Variants in GNAO1 observed in about 807,000 individuals in gnomAD.
GNAO1 encodes the protein guanine nucleotide-binding protein G(o) subunit alpha.
For missense variants in GNAO1, 166 were observed against 478.7 expected (o/e 0.35, Z 6.10); for synonymous variants, 164 against 180.7 (o/e 0.91, Z 0.74).
intron 3 of GNAO1, among the ~76,000 whole-genome samples, chr16:56,278,768 G>T (rs1005743020): frequency 6.6e-6 from 1 of 152,150 alleles, no homozygotes; most frequent in African/African-American, 2.4e-5. Context: ...GTGGGAGGAC[G>T]AGGGGACAGA....
At chr16:56,230,302 C>G (rs529841605) in intron 2 of GNAO1, among the ~76,000 whole-genome samples, 1 of 152,146 alleles carries the variant, frequency 6.6e-6, no homozygotes, top group Non-Finnish European at 1.5e-5. Context: ...GCCATTCGCC[C>G]CCTGTGCAAA....
chr16:56,265,188 G>C (rs2143494029), intron 2 of GNAO1, among the ~76,000 whole-genome samples: 1 of 152,350 alleles, frequency 6.6e-6, no homozygotes. Context: ...CCACCGTGAG[G>C]GGTTTGGTTG....
intron 2 of GNAO1, among the ~76,000 whole-genome samples, chr16:56,259,249 G>A (rs1032751654): frequency 2.6e-5 from 4 of 152,308 alleles, no homozygotes; most frequent in Admixed American, 1.3e-4. Flanking sequence ...TGTGAATGCC[G>A]CCTCCTTGTC....
At chr16:56,221,321 C>A (rs542099345) in intron 2 of GNAO1, among the ~76,000 whole-genome samples, 2 of 151,976 alleles carry the variant, frequency 1.3e-5, no homozygotes, top group African/African-American at 4.8e-5. Context: ...GGGGACCCAC[C>A]ACACCCTGCC....
chr16:56,317,237 G>T (rs373938213), intron 3 of GNAO1, among the ~76,000 whole-genome samples: 1 of 152,202 alleles, frequency 6.6e-6, no homozygotes, highest in Non-Finnish European at 1.5e-5. Flanking sequence ...CTGAACCCAG[G>T]TGGGGACTTC....
chr16:56,353,006 A>C (rs1453590112), intron 7 of GNAO1: 1 of 152,562 alleles, frequency 6.6e-6, no homozygotes, highest in Non-Finnish European at 1.5e-5. Flanking sequence ...TGCCAGGTCT[A>C]CTGAAGTGCT....
intron 2 of GNAO1, among the ~76,000 whole-genome samples, chr16:56,241,872 A>C (rs2036697234): frequency 6.6e-6 from 1 of 152,232 alleles, no homozygotes; most frequent in South Asian, 2.1e-4. Context: ...GCTGGGCATG[A>C]GCAGAAGCTG....
At chr16:56,201,027 T>G (rs144825686) in intron 2 of GNAO1, among the ~76,000 whole-genome samples, 1 of 152,256 alleles carries the variant, frequency 6.6e-6, no homozygotes, top group African/African-American at 2.4e-5. Context: ...GCCTATTTTG[T>G]GGGTAGCATA....
In GNAO1 at chr16:56,334,325, C is replaced by T. The variant is rs2037719853; in HGVS notation, c.465-404C>T. Reference sequence around the variant, plus strand: ...CAAGGTACTTACCTTCGATGAGCCCCAGTTTTAGTACATTTAACTCAGGGA... The same window carrying T: ...CAAGGTACTTACCTTCGATGAGCCCTAGTTTTAGTACATTTAACTCAGGGA... On this transcript the variant is annotated intron_variant, in intron 4 of 8. Coordinates refer to ENST00000262493, the MANE Select transcript of GNAO1 (RefSeq NM_020988.3). Among the ~76,000 whole-genome samples the T allele has an allele frequency of 3.3e-5, 5 of 152,212 alleles. No homozygotes were observed. The South Asian group carries it at 1.0e-3, about 32-fold the overall frequency.
intron 2 of GNAO1, among the ~76,000 whole-genome samples, chr16:56,251,234 C>T (rs752589972): frequency 5.9e-5 from 9 of 152,296 alleles, no homozygotes; most frequent in Non-Finnish European, 1.2e-4. Flanking sequence ...AGGACCATCT[C>T]GATCGAAATT....
At chr16:56,203,768 A>G (rs2036301417) in intron 2 of GNAO1, among the ~76,000 whole-genome samples, 1 of 152,192 alleles carries the variant, frequency 6.6e-6, no homozygotes, top group Admixed American at 6.5e-5. Context: ...CCAGGATCTG[A>G]ACAACTAGTA....
Position 56,326,979 on chromosome 16 carries a change from T to C in GNAO1, c.304-1652T>C, listed in dbSNP as rs1468459323. 6.6e-6 allele frequency among the ~76,000 whole-genome samples: 1 copy of C among 152,130 alleles called. No individual in the cohort carries two copies. Among genetic ancestry groups the C allele is most frequent in the East Asian group, 1.9e-4 (1 of 5,172 alleles). ...GGGCCTGGAGTCCGAAGGCACCTCA[T>C]CTTGAGTCCCACCCCTGCCACTCAC... On this transcript the variant is annotated intron_variant, in intron 3 of 8. Coordinates refer to ENST00000262493, the MANE Select transcript of GNAO1 (RefSeq NM_020988.3). This position sits in a 1 kb window ranked among gnomAD's most constrained non-coding sequence, Gnocchi z 4.8.
At chr16:56,314,411 G>T (rs976344017) in intron 3 of GNAO1, among the ~76,000 whole-genome samples, 1 of 152,182 alleles carries the variant, frequency 6.6e-6, no homozygotes, top group African/African-American at 2.4e-5. Flanking sequence ...GATGAGTCCG[G>T]CTTGCAACTC....
At chr16:56,206,345 AG>A (rs2036328524) in intron 2 of GNAO1, among the ~76,000 whole-genome samples, 1 of 150,762 alleles carries the variant, frequency 6.6e-6, no homozygotes, top group Admixed American at 6.6e-5. Context: ...AAAAAAAAAA[AG>A]AGGCAGTTAG....
intron 4 of GNAO1, among the ~76,000 whole-genome samples, chr16:56,332,788 T>G (rs530828905): frequency 6.6e-6 from 1 of 152,354 alleles, no homozygotes; most frequent in Admixed American, 6.5e-5. Context: ...AGGTTTGCCC[T>G]GGCTGGGAAA....
At chr16:56,280,340 G>A (rs1455690067) in intron 3 of GNAO1, among the ~76,000 whole-genome samples, 1 of 152,146 alleles carries the variant, frequency 6.6e-6, no homozygotes, top group Non-Finnish European at 1.5e-5. Flanking sequence ...GGTAATGAGG[G>A]AAAGGAGAGT....
Position 56,311,822 on chromosome 16 carries a change from G to C in GNAO1, c.304-16809G>C, listed in dbSNP as rs1176732822. On this transcript the variant is annotated intron_variant, in intron 3 of 8. Transcript: ENST00000262493. The surrounding 1 kb of genome is among the most constrained non-coding windows in gnomAD (Gnocchi z 5.2). Reference sequence around the variant, plus strand: ...CCTTGCCTGGCCCAGCTGCTGCATGGCCATGGGTGCCACTCTGCCTCACCT... The same window carrying C: ...CCTTGCCTGGCCCAGCTGCTGCATGCCCATGGGTGCCACTCTGCCTCACCT... Among the ~76,000 whole-genome samples, 2 of 152,146 alleles carry C rather than the reference G, an allele frequency of 1.3e-5. No individual in the cohort carries two copies. Among genetic ancestry groups the C allele is most frequent in the African/African-American group, 2.4e-5 (1 of 41,418 alleles).
At chr16:56,348,283 CCT>C (rs1415120893) in intron 6 of GNAO1, 1 of 698,354 alleles carries the variant, frequency 1.4e-6, no homozygotes, top group Non-Finnish European at 1.8e-6. Context: ...CCTGCCCCAT[CCT>C]GGTCCCAGGA....
intron 2 of GNAO1, among the ~76,000 whole-genome samples, chr16:56,249,891 T>G (rs911060332): frequency 6.6e-6 from 1 of 152,204 alleles, no homozygotes; most frequent in Admixed American, 6.5e-5. Context: ...TGCACAGATT[T>G]GGGTCCCATG....
Sources: gnomAD v4.1 joint callset for allele counts (sites outside exome capture counted in the v4.1 genomes callset) on GRCh38, gnomAD v4.1.1 for gene constraint, Gnocchi (gnomAD v3.1) non-coding constraint, MANE v1.5 for transcripts, NCBI Gene and HGNC (gene_info 2026-07-23, HGNC 2026-07-21) for gene names.